Variants in FNIP1 observed in about 807,000 individuals in gnomAD.
FNIP1 encodes folliculin-interacting protein 1.
Under a neutral mutation model 124.5 loss-of-function variants are expected in FNIP1, and 40 were observed. That is an observed-to-expected ratio of 0.32 (90% CI 0.25 to 0.42). The LOEUF is 0.42. Ranked by LOEUF, FNIP1 falls within the 10% of genes least tolerant of loss-of-function variation. The pLI, the probability that FNIP1 is intolerant of heterozygous loss-of-function variation, is 1.00. For synonymous variants in FNIP1, 472 were observed against 470.6 expected (o/e 1.00, Z -0.04); for missense variants, 1,176 against 1,403.7 (o/e 0.84, Z 2.59).
At chr5:131,731,447 A>G (rs1770088730) in intron 2 of FNIP1, among the ~76,000 whole-genome samples, 1 of 152,152 alleles carries the variant, frequency 6.6e-6, no homozygotes, top group Non-Finnish European at 1.5e-5. Flanking sequence ...TGACACCAGG[A>G]GTTCAAGACC....
At chr5:131,657,752 A>C (rs1037027652) in intron 15 of FNIP1, among the ~76,000 whole-genome samples, 4 of 151,056 alleles carry the variant, frequency 2.6e-5, no homozygotes, top group Non-Finnish European at 4.4e-5. Flanking sequence ...AAAAAAAAAA[A>C]AAAAAACGGT....
chr5:131,679,376 G>A (rs1198733642), intron 11 of FNIP1, among the ~76,000 whole-genome samples: 2 of 152,144 alleles, frequency 1.3e-5, no homozygotes, highest in East Asian at 1.9e-4. Context: ...TGGTTCTGGT[G>A]TTGGCTCTCC....
intron 17 of FNIP1, 22 bp downstream of exon 17, chr5:131,647,067 CA>C (rs766793005): frequency 1.2e-6 from 2 of 1,607,956 alleles, no homozygotes; most frequent in East Asian, 4.5e-5. Flanking sequence ...AAAGCAAAGC[CA>C]AAAAAGAAAC....
In FNIP1 at chr5:131,738,309, G is replaced by C. The variant is rs534938453; in HGVS notation, c.219+6255C>G. 3.3e-5 allele frequency among the ~76,000 whole-genome samples: 5 copies of C among 152,184 alleles called. No individual in the cohort carries two copies. The East Asian group carries it at 9.6e-4, about 29-fold the overall frequency. ...CTCAATTATCTACTGAGTGGTTCTTGATTTCTAGGAACTCTTTATATTAAC... is the reference window on the plus strand; with the variant it reads ...CTCAATTATCTACTGAGTGGTTCTTCATTTCTAGGAACTCTTTATATTAAC... On this transcript the variant is annotated intron_variant, in intron 2 of 17. Transcript: ENST00000510461.
intron 13 of FNIP1, chr5:131,677,496 A>AC (rs1432563124): frequency 2.1e-6 from 1 of 471,512 alleles, no homozygotes; most frequent in African/African-American, 1.9e-5. Context: ...CTCTTGCTCT[A>AC]CCTGCAGTTC....
intron 1 of FNIP1, among the ~76,000 whole-genome samples, chr5:131,753,625 T>C (rs1243330000): frequency 6.6e-6 from 1 of 152,174 alleles, no homozygotes; most frequent in East Asian, 1.9e-4. Flanking sequence ...ACTAAGGAAC[T>C]TTCCAGAGTG....
intron 11 of FNIP1, among the ~76,000 whole-genome samples, chr5:131,685,496 T>A (rs965330429): frequency 4.8e-5 from 7 of 145,246 alleles, no homozygotes; most frequent in South Asian, 4.4e-4. Context: ...TTGCCCAGGC[T>A]GGAGTGTAGT....
chr5:131,796,945 C>G lies in FNIP1; in HGVS notation c.-24G>C. The G allele has an allele frequency of 6.3e-7, 1 of 1,579,788 alleles. No homozygotes were observed. The highest frequency in any genetic ancestry group is 2.3e-5 in the East Asian group (1 of 43,192). Reference sequence around the variant, plus strand: ...ATGCTAGCCACGGCCAGGCAGGGGTCGCTCCGCTGGGCGCTTGCTAGGCCC... The same window carrying G: ...ATGCTAGCCACGGCCAGGCAGGGGTGGCTCCGCTGGGCGCTTGCTAGGCCC... On this transcript the variant is annotated 5_prime_UTR_variant, in exon 1 of 18. Transcript: ENST00000510461.
intron 1 of FNIP1, among the ~76,000 whole-genome samples, chr5:131,793,080 T>G (rs1423012128): frequency 6.6e-6 from 1 of 152,202 alleles, no homozygotes; most frequent in African/African-American, 2.4e-5. Context: ...CAGGCTAGAC[T>G]AGTGCAGTGG....
chr5:131,712,996 T>C (rs1375926134), intron 6 of FNIP1, among the ~76,000 whole-genome samples: 1 of 152,098 alleles, frequency 6.6e-6, no homozygotes, highest in African/African-American at 2.4e-5. Flanking sequence ...TAAACTTTTT[T>C]CCCATGTAAC....
At chr5:131,743,201 T>C (rs940827999) in intron 2 of FNIP1, among the ~76,000 whole-genome samples, 3 of 151,836 alleles carry the variant, frequency 2.0e-5, no homozygotes, top group African/African-American at 7.3e-5. Context: ...AGGGAGATAG[T>C]ATATAGGATA....
In FNIP1 at chr5:131,785,076, TGAC is replaced by T. The variant is rs1772136063; in HGVS notation, c.92+11751_92+11753del. ...ATATATATCATATATATGATATATA[TGAC>T]ATATATATATGATATATATGACTAT... On this transcript the variant is annotated intron_variant, in intron 1 of 17. Coordinates refer to ENST00000510461, the MANE Select transcript of FNIP1 (RefSeq NM_133372.3). Among the ~76,000 whole-genome samples, 111 of 13,462 alleles carry T rather than the reference TGAC, an allele frequency of 8.2e-3. 2 individuals are homozygous for T. Among genetic ancestry groups the T allele is most frequent in the African/African-American group, 0.02 (98 of 4,966 alleles). The allele number at this position is 13,462 out of a possible 152,430, so 8.8% of individuals were successfully genotyped here.
chr5:131,701,082 G>A (rs1171152903), intron 10 of FNIP1, among the ~76,000 whole-genome samples: 5 of 152,172 alleles, frequency 3.3e-5, no homozygotes, highest in Admixed American at 2.6e-4. Context: ...ATTACTGCCT[G>A]AGCGCTACCT....
chr5:131,699,190 G>A (rs775213898), intron 10 of FNIP1, among the ~76,000 whole-genome samples, 188 bp from the exon 11 acceptor site: 8 of 152,094 alleles, frequency 5.3e-5, no homozygotes, highest in Non-Finnish European at 1.2e-4. Context: ...TTAATGAATG[G>A]TTGAACAAAG....
chr5:131,771,608 G>C (rs1274049603), intron 1 of FNIP1, among the ~76,000 whole-genome samples: 1 of 152,098 alleles, frequency 6.6e-6, no homozygotes, highest in Admixed American at 6.6e-5. Flanking sequence ...AAATCTGTAA[G>C]TCCTCTCAAT....
chr5:131,763,965 G>A (rs1328863205), intron 1 of FNIP1, among the ~76,000 whole-genome samples: 1 of 152,128 alleles, frequency 6.6e-6, no homozygotes, highest in Non-Finnish European at 1.5e-5. Context: ...CTGGAGGGAG[G>A]TGACTGGATG....
At chr5:131,720,150 A>G (rs1455337009) in intron 3 of FNIP1, among the ~76,000 whole-genome samples, 1 of 152,222 alleles carries the variant, frequency 6.6e-6, no homozygotes, top group Non-Finnish European at 1.5e-5. Flanking sequence ...ATTAAGACAG[A>G]CATATAGACC....
chr5:131,785,686 A>G (rs938509007), intron 1 of FNIP1, among the ~76,000 whole-genome samples: 5 of 152,184 alleles, frequency 3.3e-5, no homozygotes, highest in Non-Finnish European at 5.9e-5. Flanking sequence ...TCTTTAAAAA[A>G]TGTTCAGGCA....
intron 1 of FNIP1, among the ~76,000 whole-genome samples, chr5:131,777,476 T>C (rs1245510080): frequency 2.6e-5 from 4 of 151,806 alleles, no homozygotes; most frequent in Non-Finnish European, 5.9e-5. Context: ...ACTAAGGTAA[T>C]GTGAGAAGAA....
Sources: allele counts gnomAD v4.1 joint callset (sites outside exome capture counted in the v4.1 genomes callset), GRCh38; gene constraint gnomAD v4.1.1; transcripts MANE v1.5; gene names NCBI Gene and HGNC (gene_info 2026-07-23, HGNC 2026-07-21).